DCDC2: variants seen among roughly 807,000 people sequenced by gnomAD.
DCDC2 encodes doublecortin domain-containing protein 2.
In DCDC2, 40 loss-of-function variants were observed where a neutral mutation model predicts 50.2. The ratio of observed to expected loss-of-function variants is 0.80; its 90% CI spans 0.62 to 1.04. DCDC2 has a LOEUF of 1.04. DCDC2 is among the 50% of genes least tolerant of loss of function. The pLI is 0.00. For synonymous variants in DCDC2, 234 were observed against 210.6 expected (o/e 1.11, Z -0.96); for missense variants, 570 against 581.9 (o/e 0.98, Z 0.21).
intron 6 of DCDC2, among the ~76,000 whole-genome samples, chr6:24,279,246 G>A (rs1037794792): frequency 2.0e-5 from 3 of 152,156 alleles, no homozygotes; most frequent in Admixed American, 6.5e-5. Flanking sequence ...GCTCCAGCCT[G>A]TAGTCCCAGC....
chr6:24,359,503 T>TA (rs1760618479), upstream of DCDC2, among the ~76,000 whole-genome samples: 1 of 100,196 alleles, frequency 1.0e-5, no homozygotes, highest in African/African-American at 4.1e-5. Context: ...ATTATATATA[T>TA]TTTATATATT....
intron 6 of DCDC2, among the ~76,000 whole-genome samples, chr6:24,287,546 G>C (rs1763639895): frequency 6.6e-6 from 1 of 152,056 alleles, no homozygotes; most frequent in African/African-American, 2.4e-5. Flanking sequence ...GTGGGGTGAG[G>C]TTAAATAAAT....
At chr6:24,225,302 C>T (rs1762206298) in intron 7 of DCDC2, among the ~76,000 whole-genome samples, 1 of 152,218 alleles carries the variant, frequency 6.6e-6, no homozygotes, top group Non-Finnish European at 1.5e-5. Context: ...CTCCTGAGCA[C>T]CTGCAACATG....
chr6:24,298,280 C>T (rs7773060), intron 4 of DCDC2, among the ~76,000 whole-genome samples: 3,502 of 152,282 alleles, frequency 0.023, 106 homozygotes, highest in African/African-American at 0.072. Flanking sequence ...GCTGTGCAGT[C>T]GGGTTCCTAA....
At chr6:24,210,019 G>GGGGTGTGTGTGTGTGT (rs1360438467) in intron 7 of DCDC2, among the ~76,000 whole-genome samples, 5 of 145,198 alleles carry the variant, frequency 3.4e-5, no homozygotes, top group Admixed American at 1.4e-4. Context: ...GCAGTATCAG[G>GGGGTGTGTGTGTGTGT]GTGTGTGTGT....
At chr6:24,341,810 T>G (rs1247618030) in intron 2 of DCDC2, among the ~76,000 whole-genome samples, 1 of 152,148 alleles carries the variant, frequency 6.6e-6, no homozygotes, top group African/African-American at 2.4e-5. Context: ...TAGCACAGTG[T>G]TCTCACCAAA....
At chr6:24,378,720 T>C in the DCDC2 span, among the ~76,000 whole-genome samples, 13 of 152,272 alleles carry the variant, frequency 8.5e-5, no homozygotes, top group East Asian at 2.5e-3. Context: ...ACATCTACTT[T>C]CAGCTGTCCT....
At chr6:24,178,267 G>A (rs2113738226) in intron 9 of DCDC2, 63 bp downstream of exon 9, 5 of 1,491,182 alleles carry the variant, frequency 3.4e-6, no homozygotes, top group Middle Eastern at 1.8e-4. Flanking sequence ...TTCTCTGAAT[G>A]CACGCATGTA....
At chr6:24,300,242 A>G (rs1222332201) in intron 4 of DCDC2, among the ~76,000 whole-genome samples, 1 of 151,996 alleles carries the variant, frequency 6.6e-6, no homozygotes, top group Non-Finnish European at 1.5e-5. Flanking sequence ...AGAAAAAAAA[A>G]ACAAAAGCTA....
In DCDC2 at chr6:24,172,575, T is replaced by C. The variant is rs1028636892; in HGVS notation, c.*2155A>G. The C allele has an allele frequency of 3.3e-5, 5 of 152,182 alleles. No individual in the cohort carries two copies. Among genetic ancestry groups the C allele is most frequent in the Non-Finnish European group, 7.4e-5 (5 of 68,024 alleles). The allele number at this position is 152,182 out of a possible 1,614,324, so 9.4% of individuals were successfully genotyped here. On this transcript the variant is annotated 3_prime_UTR_variant, in exon 10 of 10. Coordinates refer to ENST00000378454, the MANE Select transcript of DCDC2 (RefSeq NM_016356.5). ...GAAAAGAGAAAGAGAAACTCTCCAT[T>C]GAAGAAACAAAAGAGAATCACCTTG...
intron 7 of DCDC2, among the ~76,000 whole-genome samples, chr6:24,265,927 T>C (rs1362677562): frequency 6.9e-6 from 1 of 145,202 alleles, no homozygotes; most frequent in African/African-American, 2.5e-5. Context: ...AAACAAAAAA[T>C]ACAAAAGATC....
intron 2 of DCDC2, among the ~76,000 whole-genome samples, chr6:24,327,022 C>T (rs1759881413): frequency 6.7e-6 from 1 of 149,494 alleles, no homozygotes; most frequent in Admixed American, 6.7e-5. Context: ...CAGCACAGCT[C>T]AGCACCTGGC....
At chr6:24,242,478 C>G (rs1426822487) in intron 7 of DCDC2, among the ~76,000 whole-genome samples, 1 of 152,202 alleles carries the variant, frequency 6.6e-6, no homozygotes, top group Admixed American at 6.5e-5. Flanking sequence ...ACTCCACTGG[C>G]ACCTTCGCTG....
the DCDC2 span, among the ~76,000 whole-genome samples, chr6:24,363,650 C>G: frequency 6.6e-6 from 1 of 152,096 alleles, no homozygotes; most frequent in Non-Finnish European, 1.5e-5. Flanking sequence ...CACATTGCAC[C>G]CTAGGTTTAT....
chr6:24,376,851 G>C, the DCDC2 span, among the ~76,000 whole-genome samples: 1,565 of 147,022 alleles, frequency 0.011, 9 homozygotes, highest in South Asian at 0.022. Context: ...CCGCATTAGA[G>C]AGTTTTACCC....
chr6:24,231,948 C>A (rs1450857417), intron 7 of DCDC2, among the ~76,000 whole-genome samples: 2 of 151,890 alleles, frequency 1.3e-5, no homozygotes, highest in Non-Finnish European at 1.5e-5. Flanking sequence ...TACTCCCTTT[C>A]AAAAATGACT....
At chr6:24,224,004 G>A (rs192675801) in intron 7 of DCDC2, among the ~76,000 whole-genome samples, 2 of 152,258 alleles carry the variant, frequency 1.3e-5, no homozygotes, top group African/African-American at 4.8e-5. Flanking sequence ...ACTGAGGATT[G>A]TGACAATCTG....
upstream of DCDC2, among the ~76,000 whole-genome samples, chr6:24,362,117 A>G (rs979526022): frequency 5.9e-5 from 9 of 152,184 alleles, no homozygotes; most frequent in African/African-American, 2.2e-4. Flanking sequence ...GAGCACAGAT[A>G]GTAGTAAAAT....
chr6:24,367,171 G>A, the DCDC2 span, among the ~76,000 whole-genome samples: 76 of 152,248 alleles, frequency 5.0e-4, no homozygotes, highest in South Asian at 0.014. Flanking sequence ...TTGCCAATTC[G>A]GCAAGAATGA....
Sources: allele counts gnomAD v4.1 joint callset (sites outside exome capture counted in the v4.1 genomes callset), GRCh38; gene constraint gnomAD v4.1.1; transcripts MANE v1.5; gene names NCBI Gene and HGNC (gene_info 2026-07-23, HGNC 2026-07-21).